CHD6: variants seen among roughly 807,000 people sequenced by gnomAD.
CHD6 encodes chromodomain helicase DNA binding protein 6, also known as ATP-dependent chromatin remodeler CHD6.
In CHD6, 50 loss-of-function variants were observed where a neutral mutation model predicts 276.9. The observed-to-expected ratio is 0.18, with a 90% CI of 0.14 to 0.23. The LOEUF is 0.23. CHD6 is among the 10% of genes least tolerant of loss of function. The probability of loss-of-function intolerance (pLI) is 1.00; values close to 1 mark genes in which losing one functional copy is unlikely to be tolerated. For missense variants in CHD6, 2,564 were observed against 3,365.8 expected, an observed-to-expected ratio of 0.76 and a Z score of 5.89; for synonymous variants, 1,173 against 1,229.3, an observed-to-expected ratio of 0.95 and a Z score of 0.96.
intron 36 of CHD6, among the ~76,000 whole-genome samples, chr20:41,406,543 T>A (rs929025451): frequency 1.3e-5 from 2 of 152,034 alleles, no homozygotes; most frequent in Non-Finnish European, 2.9e-5. Context: ...TTCCTGAGAG[T>A]GGAGCTCAGG....
intron 2 of CHD6, among the ~76,000 whole-genome samples, chr20:41,545,889 C>T (rs777297937): frequency 2.0e-5 from 3 of 152,130 alleles, no homozygotes; most frequent in South Asian, 2.1e-4. Flanking sequence ...CCACAGAAGA[C>T]GCTGCCTCTT....
At chr20:41,454,200 A>G (rs1034746541) in intron 20 of CHD6, among the ~76,000 whole-genome samples, 1 of 152,248 alleles carries the variant, frequency 6.6e-6, no homozygotes, top group Admixed American at 6.5e-5. Flanking sequence ...CATGTTCAGA[A>G]TTAAGAAAAC....
Position 41,420,601 on chromosome 20 carries a change from T to C in CHD6, c.6034A>G (p.Thr2012Ala). 1 of 1,614,198 alleles carries C rather than the reference T, an allele frequency of 6.2e-7. No homozygotes were observed. The highest frequency in any genetic ancestry group is 8.5e-7 in the Non-Finnish European group (1 of 1,179,994). Reference protein sequence around the residue: ...ESAEGQNVFPTYPLEGSELKS... With the variant: ...ESAEGQNVFPAYPLEGSELKS... The stretch of plus-strand genomic sequence containing the variant: ...AGCTCACTTCCTTCAAGAGGATATG[T>C]GGGGAAAACGTTTTGCCCCTCTGCA... The change falls in exon 31 of 37, where the codon ACA becomes GCA. Residue 2012 changes from threonine to alanine, a missense_variant. Thr to Ala is a moderately conservative substitution (Grantham distance 58). This residue lies in a region of CHD6 where 1,024 missense variants were observed against 1,047.9 expected (regional missense o/e 0.98). Coordinates refer to ENST00000373233, the MANE Select transcript of CHD6 (RefSeq NM_032221.5).
intron 11 of CHD6, 103 bp from the exon 12 acceptor site, chr20:41,490,124 T>A (rs887585477): frequency 1.1e-6 from 1 of 933,324 alleles, no homozygotes; most frequent in Non-Finnish European, 1.7e-6. Flanking sequence ...AAGATTATCA[T>A]TGAAGGCTTT....
chr20:41,579,499 G>A (rs2045513575), intron 1 of CHD6, among the ~76,000 whole-genome samples: 1 of 149,294 alleles, frequency 6.7e-6, no homozygotes, highest in Admixed American at 6.6e-5. Flanking sequence ...CTCATAACCA[G>A]TCCTAAGTCT....
Position 41,420,544 on chromosome 20 carries a change from C to T in CHD6, c.6091G>A (p.Asp2031Asn). 1 of 1,613,538 alleles carries T rather than the reference C, an allele frequency of 6.2e-7. No individual in the cohort carries two copies. Among genetic ancestry groups the T allele is most frequent in the Non-Finnish European group, 8.5e-7 (1 of 1,179,930 alleles). Residue 2031 changes from aspartate (D) to asparagine (N), a missense_variant, in exon 31 of 37, where the codon GAT becomes AAT. By Grantham distance (23) the Asp-to-Asn change is conservative (BLOSUM62 1). Around this residue, in one of 7 missense-constraint regions of CHD6, gnomAD observed 1,024 missense variants for 1,047.9 expected, o/e 0.98. Coordinates refer to ENST00000373233, the MANE Select transcript of CHD6 (RefSeq NM_032221.5). The part of the protein sequence containing the change: ...KSEDMDFENK[D>N]DYDRDGNCHS... Reference sequence around the variant, plus strand: ...CAGTTTCCGTCTCTATCATAATCATCTTTATTCTCAAAATCCATGTCTTCT... The same window carrying T: ...CAGTTTCCGTCTCTATCATAATCATTTTTATTCTCAAAATCCATGTCTTCT...
At chr20:41,467,443 T>C (rs369287278) in intron 17 of CHD6, among the ~76,000 whole-genome samples, 31 of 151,654 alleles carry the variant, frequency 2.0e-4, no homozygotes, top group African/African-American at 7.0e-4. Flanking sequence ...CCCCCAGCCC[T>C]AATCCCTGGA....
At chr20:41,556,312 G>GAGGGAC (rs1483999627) in intron 1 of CHD6, among the ~76,000 whole-genome samples, 3 of 141,886 alleles carry the variant, frequency 2.1e-5, no homozygotes, top group African/African-American at 8.5e-5. Context: ...GGAGACGGGA[G>GAGGGAC]AGGGAGAGGG....
intron 1 of CHD6, among the ~76,000 whole-genome samples, chr20:41,603,139 G>A (rs2045790237): frequency 6.6e-6 from 1 of 152,010 alleles, no homozygotes; most frequent in South Asian, 2.1e-4. Context: ...GATCACTTGA[G>A]GTCAGGAGTT....
intron 16 of CHD6, among the ~76,000 whole-genome samples, chr20:41,480,389 G>A (rs969100040): frequency 2.6e-5 from 4 of 152,038 alleles, no homozygotes; most frequent in Non-Finnish European, 5.9e-5. Flanking sequence ...TAGGTGTATA[G>A]AAAAATAAGC....
chr20:41,492,831 G>T (rs2043588391), intron 10 of CHD6, among the ~76,000 whole-genome samples: 1 of 152,258 alleles, frequency 6.6e-6, no homozygotes, highest in South Asian at 2.1e-4. Flanking sequence ...CAAGGCAGGA[G>T]AATTGCTTGA....
chr20:41,466,339 G>A (rs1478595024), intron 17 of CHD6, among the ~76,000 whole-genome samples: 35 of 151,802 alleles, frequency 2.3e-4, no homozygotes, highest in Admixed American at 2.1e-3. Flanking sequence ...TTTTTTCCCC[G>A]CTTAACAATA....
In CHD6 at chr20:41,483,443, C is replaced by G; in HGVS notation, c.2334G>C (p.Met778Ile). Residue 778 changes from methionine (M) to isoleucine (I), a missense_variant, in exon 16 of 37, where the codon ATG (methionine) becomes ATC (isoleucine). Met to Ile is a conservative substitution (Grantham distance 10). This residue lies in a region of CHD6 where 457 missense variants were observed against 889.0 expected (regional missense o/e 0.51). Coordinates refer to ENST00000373233, the MANE Select transcript of CHD6 (RefSeq NM_032221.5). ...ACACAAGCTTTCCTGCTGCCTGAAT[C>G]ATGGCCTGCAGCTGAAAGTCAGGGG... ...PDAPDFQLQA[M>I]IQAAGKLVLI... 1 of 1,613,768 alleles carries G rather than the reference C, an allele frequency of 6.2e-7. No homozygotes were observed. Among genetic ancestry groups the G allele is most frequent in the Non-Finnish European group, 8.5e-7 (1 of 1,179,856 alleles).
chr20:41,415,126 A>T, intron 34 of CHD6, 60 bp downstream of exon 34: 1 of 1,515,518 alleles, frequency 6.6e-7, no homozygotes, highest in African/African-American at 1.4e-5. Flanking sequence ...CTGAGGAAGA[A>T]GGGTTTGTTT....
At chr20:41,570,950 CAG>C (rs1321901787) in intron 1 of CHD6, among the ~76,000 whole-genome samples, 3 of 152,298 alleles carry the variant, frequency 2.0e-5, no homozygotes, top group Admixed American at 6.5e-5. Flanking sequence ...CTTCTGCTCT[CAG>C]AGTTACCTAC....
chr20:41,602,426 C>A (rs890602318), intron 1 of CHD6, among the ~76,000 whole-genome samples: 1 of 152,108 alleles, frequency 6.6e-6, no homozygotes, highest in Non-Finnish European at 1.5e-5. Context: ...TGGGCTTACC[C>A]CAGCCTTCAT....
chr20:41,599,002 G>A (rs769805610), intron 1 of CHD6, among the ~76,000 whole-genome samples: 2 of 152,184 alleles, frequency 1.3e-5, no homozygotes, highest in Non-Finnish European at 2.9e-5. Context: ...GGAGTTCCAC[G>A]AGGAGTGTTA....
rs765710495 is a variant in CHD6 at position 41,416,628 on chromosome 20, C to T, written c.6446G>A (p.Ser2149Asn). 4 of 1,613,636 alleles carry T rather than the reference C, an allele frequency of 2.5e-6. No homozygotes were observed. Among genetic ancestry groups the T allele is most frequent in the African/African-American group, 1.3e-5 (1 of 74,910 alleles). The change falls in exon 33 of 37, where the codon AGC becomes AAC. Residue 2149 changes from serine (S) to asparagine (N), a missense_variant. Ser to Asn is a conservative substitution (Grantham distance 46). Coordinates refer to ENST00000373233, the MANE Select transcript of CHD6 (RefSeq NM_032221.5). Reference protein sequence around the residue: ...SLSEPEAAEHSFSNGAALAAQ... With the variant: ...SLSEPEAAEHNFSNGAALAAQ... ...CGCCAATGCTGCGCCGTTGCTGAAGCTGTGTTCTGCTGCTTCCGGCTCTGA... is the reference window on the plus strand; with the variant it reads ...CGCCAATGCTGCGCCGTTGCTGAAGTTGTGTTCTGCTGCTTCCGGCTCTGA...
intron 25 of CHD6, among the ~76,000 whole-genome samples, chr20:41,442,912 A>T (rs1247566621): frequency 1.3e-5 from 2 of 152,152 alleles, no homozygotes; most frequent in Non-Finnish European, 1.5e-5. Flanking sequence ...AACTAAACTG[A>T]TCTGGCCCTA....
Sources: allele counts gnomAD v4.1 joint callset (sites outside exome capture counted in the v4.1 genomes callset), GRCh38; gene constraint gnomAD v4.1.1; regional missense constraint gnomAD v4.1.1; transcripts MANE v1.5; gene names NCBI Gene and HGNC (gene_info 2026-07-23, HGNC 2026-07-21).